The following FKBP15 variants were observed in gnomAD, a reference collection of about 807,000 sequenced individuals.
FKBP15 encodes the protein FK506-binding protein 15.
FKBP15 carries 106 observed loss-of-function variants against 158.1 expected under a neutral mutation model. The ratio of observed to expected loss-of-function variants is 0.67; its 90% CI spans 0.57 to 0.79. The LOEUF (loss-of-function observed/expected upper bound fraction) is 0.79, where lower values mean the gene tolerates loss of function less well. FKBP15 is among the 30% of genes least tolerant of loss of function. FKBP15 has a pLI of 0.00. For synonymous variants in FKBP15, 547 were observed against 548.6 expected, an observed-to-expected ratio of 1.00 and a Z score of 0.04; for missense variants, 1,287 against 1,479.1, an observed-to-expected ratio of 0.87 and a Z score of 2.13.
chr9:113,161,110 C>G lies in FKBP15; in HGVS notation c.*4968G>C, dbSNP rs1830005132. 1.2e-5 allele frequency: 2 copies of G among 163,810 alleles called. No homozygotes were observed. Among genetic ancestry groups the G allele is most frequent in the African/African-American group, 4.8e-5 (2 of 41,670 alleles). The allele number at this position is 163,810 out of a possible 1,614,324, so 10.1% of individuals were successfully genotyped here. ...CAAGAACATAAAAACCACCTGTATC[C>G]TACTTTGCTGAGATAACTATTACTC... On this transcript the variant is annotated 3_prime_UTR_variant, in exon 28 of 28. Transcript: ENST00000238256.
intron 19 of FKBP15, among the ~76,000 whole-genome samples, chr9:113,180,571 G>A (rs1237277032): frequency 2.6e-5 from 4 of 152,038 alleles, no homozygotes; most frequent in Non-Finnish European, 5.9e-5. Context: ...AGAAAGCAAT[G>A]ACAGGAAGAA....
At position 113,169,480 on chromosome 9, in the gene FKBP15, T is replaced by C; in HGVS notation, c.3229A>G (p.Lys1077Glu). 1 of 1,614,030 alleles carries C rather than the reference T, an allele frequency of 6.2e-7. No individual in the cohort carries two copies. The highest frequency in any genetic ancestry group is 8.5e-7 in the Non-Finnish European group (1 of 1,179,890). The change falls in exon 26 of 28, where the codon AAG becomes GAG. Residue 1077 changes from lysine (K) to glutamate (E), a missense_variant. Coordinates refer to ENST00000238256, the MANE Select transcript of FKBP15 (RefSeq NM_015258.2). ...GGTGCTACTTCCCTGACACAGACCT[T>C]TCCTGATGGGTTGTCGGGCTTAGCT... ...MAAKPDNPSGKVCVREVAPDG... is the reference protein window; with the variant it reads ...MAAKPDNPSGEVCVREVAPDG...
chr9:113,176,051 TATATA>T (rs569030835), intron 21 of FKBP15, among the ~76,000 whole-genome samples: 9 of 152,302 alleles, frequency 5.9e-5, no homozygotes, highest in South Asian at 2.1e-4. Context: ...CAAAAACAGT[TATATA>T]ATATGAGAAT....
chr9:113,191,073 T>C (rs1377534281), intron 11 of FKBP15, among the ~76,000 whole-genome samples: 1 of 152,202 alleles, frequency 6.6e-6, no homozygotes, highest in African/African-American at 2.4e-5. Context: ...GAAGCTTCCA[T>C]TAACTGATCC....
rs1404472484 is a variant in FKBP15 at position 113,169,233 on chromosome 9, T to C, written c.3476A>G (p.Gln1159Arg). ...GCTCAGAGGAACATACCTGGAACGC[T>C]GGGAATGATGGCTGGGTCTGAGGGC... Reference protein sequence around the residue: ...GAALRPSHHSQRSSLSGDEED... With the variant: ...GAALRPSHHSRRSSLSGDEED... Residue 1159 changes from glutamine to arginine, a missense_variant, in exon 26 of 28, where the codon CAG (glutamine) becomes CGG (arginine). Coordinates refer to ENST00000238256, the MANE Select transcript of FKBP15 (RefSeq NM_015258.2). 5 of 1,612,920 alleles carry C rather than the reference T, an allele frequency of 3.1e-6. No homozygotes were observed. The highest frequency in any genetic ancestry group is 3.3e-5 in the Admixed American group (2 of 59,990).
At chr9:113,202,709 G>T in intron 5 of FKBP15, 80 bp from the exon 6 acceptor site, 1 of 1,144,338 alleles carries the variant, frequency 8.7e-7, no homozygotes. Flanking sequence ...TCATAGAGTA[G>T]GGTCTTGACT....
intron 6 of FKBP15, among the ~76,000 whole-genome samples, chr9:113,200,287 A>G (rs892723585): frequency 1.3e-5 from 2 of 152,214 alleles, no homozygotes; most frequent in African/African-American, 4.8e-5. Context: ...ATGAGCTAAT[A>G]TAAGTAGAGT....
At chr9:113,176,800 G>A in intron 20 of FKBP15, 127 bp from the exon 21 acceptor site, 9 of 1,000,008 alleles carry the variant, frequency 9.0e-6, no homozygotes, top group Non-Finnish European at 1.3e-5. Flanking sequence ...TCAGGCTGGA[G>A]TGCAGTGGTG....
rs953728679 is a variant in FKBP15 at position 113,203,147 on chromosome 9, A to G, written c.325-112T>C. 6 of 696,586 alleles carry G rather than the reference A, an allele frequency of 8.6e-6. No individual in the cohort carries two copies. The Admixed American group carries it at 1.6e-4, about 19-fold the overall frequency. 43.2% of individuals were successfully genotyped at this position (696,586 alleles called of 1,614,324 possible). ...CAATAAGTATCAAAGGTTGTGCTTCATACTAAACTCAAAATCTATTCATCC... is the reference window on the plus strand; with the variant it reads ...CAATAAGTATCAAAGGTTGTGCTTCGTACTAAACTCAAAATCTATTCATCC... On this transcript the variant is annotated intron_variant, in intron 4 of 27. Coordinates refer to ENST00000238256, the MANE Select transcript of FKBP15 (RefSeq NM_015258.2).
rs751482372 is a variant in FKBP15, at chr9:113,166,087, CCAGT to C, written c.3647_3650del (p.Asp1216GlyfsTer19). The stretch of plus-strand genomic sequence containing the variant: ...CCAGTTTCCTGGGTCTTCATCCCAG[CCAGT>C]CAATGTCATCGTCATCATCATCATC... On this transcript the variant is annotated frameshift_variant, in exon 28 of 28. Coordinates refer to ENST00000238256, the MANE Select transcript of FKBP15 (RefSeq NM_015258.2). LOFTEE classifies it high-confidence loss of function. 6 of 1,613,386 alleles carry C rather than the reference CCAGT, an allele frequency of 3.7e-6. No individual in the cohort carries two copies. The African/African-American group carries it at 5.3e-5, about 14-fold the overall frequency.
At position 113,211,534 on chromosome 9, in the gene FKBP15, A is replaced by T. The variant is rs151187548; in HGVS notation, c.112T>A (p.Phe38Ile). The change falls in exon 2 of 28, where the codon TTT becomes ATT. Residue 38 changes from phenylalanine (F) to isoleucine (I), a missense_variant. Transcript: ENST00000238256. Reference protein sequence around the residue: ...DQAAAGHGNEFFQYTAPKQPK... With the variant: ...DQAAAGHGNEIFQYTAPKQPK... The stretch of plus-strand genomic sequence containing the variant: ...TGTTTTGGGGCTGTGTACTGGAAAA[A>T]TTCATTTCCATGGCCAGCAGCTGCC... 6.2e-7 allele frequency: 1 copy of T among 1,609,232 alleles called. No individual in the cohort carries two copies. The highest frequency in any genetic ancestry group is 1.7e-5 in the Admixed American group (1 of 59,488).
Position 113,161,392 on chromosome 9 carries a change from T to G in FKBP15, c.*4686A>C. On this transcript the variant is annotated 3_prime_UTR_variant, in exon 28 of 28. Coordinates refer to ENST00000238256, the MANE Select transcript of FKBP15 (RefSeq NM_015258.2). ...GAAGAAGTTCGGAACTCAGCAAGGG[T>G]GGGGAAGAAGGTGCAGGATAGAGGT... The G allele has an allele frequency of 1.1e-6, 1 of 898,480 alleles. No homozygotes were observed. Among genetic ancestry groups the G allele is most frequent in the Non-Finnish European group, 1.8e-6 (1 of 566,992 alleles). The allele number at this position is 898,480 out of a possible 1,614,324, so 55.7% of individuals were successfully genotyped here.
intron 1 of FKBP15, among the ~76,000 whole-genome samples, chr9:113,216,499 C>T (rs910656631): frequency 2.0e-5 from 3 of 152,060 alleles, no homozygotes; most frequent in Middle Eastern, 3.2e-3. Flanking sequence ...GCAGCGCTGG[C>T]CTAAAAAGAC....
intron 4 of FKBP15, 21 bp from the exon 5 acceptor site, chr9:113,203,056 AT>A: frequency 1.3e-6 from 2 of 1,496,084 alleles, no homozygotes; most frequent in African/African-American, 1.5e-5. Flanking sequence ...GCAACGACAG[AT>A]AGAAAAAAAA....
chr9:113,207,204 C>A lies in FKBP15; in HGVS notation c.254+8G>T. The A allele has an allele frequency of 6.2e-7, 1 of 1,608,266 alleles. No individual in the cohort carries two copies. Among genetic ancestry groups the A allele is most frequent in the Non-Finnish European group, 8.5e-7 (1 of 1,175,778 alleles). ...AACTTCAGAGGGTGTTCCTTCTCAGCGACTTACTATCGATATGCATGGACT... is the reference window on the plus strand; with the variant it reads ...AACTTCAGAGGGTGTTCCTTCTCAGAGACTTACTATCGATATGCATGGACT... On this transcript the variant is annotated splice_region_variant and intron_variant, in intron 3 of 27. Coordinates refer to ENST00000238256, the MANE Select transcript of FKBP15 (RefSeq NM_015258.2).
intron 23 of FKBP15, 92 bp downstream of exon 23, chr9:113,173,361 T>C (rs1830247331): frequency 7.4e-7 from 1 of 1,342,628 alleles, no homozygotes; most frequent in South Asian, 1.5e-5. Context: ...TTAATAACTT[T>C]CAGGCTTAGA....
At chr9:113,171,896 T>C (rs943384572) in intron 23 of FKBP15, among the ~76,000 whole-genome samples, 190 bp from the exon 24 acceptor site, 20 of 151,826 alleles carry the variant, frequency 1.3e-4, no homozygotes, top group Admixed American at 1.3e-3. Flanking sequence ...ATGTGCACAA[T>C]GTGCAGGTTT....
chr9:113,188,468 A>G lies in FKBP15; in HGVS notation c.1197T>C (p.Gly399=). 6.2e-7 allele frequency: 1 copy of G among 1,613,840 alleles called. No individual in the cohort carries two copies. The highest frequency in any genetic ancestry group is 8.5e-7 in the Non-Finnish European group (1 of 1,179,828). The change falls in exon 13 of 28, where the codon GGT becomes GGC. Residue 399 remains glycine, a synonymous_variant. Transcript: ENST00000238256. ...EIEDVNTLQG[G]GQPVVTPSVQ... is the part of the protein sequence containing the mutation. The stretch of plus-strand genomic sequence containing the variant: ...CGGACGGAGTCACCACAGGCTGCCC[A>G]CCTCCTTGCAGAGTGTTCACATCCT...
intron 9 of FKBP15, among the ~76,000 whole-genome samples, chr9:113,195,628 C>A (rs1298951240): frequency 1.3e-5 from 2 of 152,078 alleles, no homozygotes; most frequent in Admixed American, 1.3e-4. Flanking sequence ...CAGGTGTAAA[C>A]AGCCACAGTG....
Sources: allele counts gnomAD v4.1 joint callset (sites outside exome capture counted in the v4.1 genomes callset), GRCh38; gene constraint gnomAD v4.1.1; transcripts MANE v1.5; gene names NCBI Gene and HGNC (gene_info 2026-07-23, HGNC 2026-07-21).